Variants in RMDN2 observed in about 807,000 individuals in gnomAD.
The protein encoded by RMDN2 is regulator of microtubule dynamics protein 2.
RMDN2 carries 61 observed loss-of-function variants against 52.8 expected under a neutral mutation model. That is an observed-to-expected ratio of 1.16 (90% confidence interval 0.94 to 1.43). The LOEUF (loss-of-function observed/expected upper bound fraction) is 1.43, where lower values mean the gene tolerates loss of function less well. RMDN2 is among the 40% of genes most tolerant of loss of function. The probability of loss-of-function intolerance (pLI) is 0.00; values close to 1 mark genes in which losing one functional copy is unlikely to be tolerated. For missense variants in RMDN2, 592 were observed against 475.3 expected (o/e 1.25, Z -2.28); for synonymous variants, 180 against 153.1 (o/e 1.18, Z -1.30).
downstream of RMDN2, among the ~76,000 whole-genome samples, chr2:38,020,184 T>G (rs1679238447): frequency 6.6e-6 from 1 of 152,130 alleles, no homozygotes; most frequent in African/African-American, 2.4e-5. Context: ...TGCACTTTAT[T>G]TCTATTATTA....
chr2:38,027,114 C>G (rs144090285), intron 10 of RMDN2: 1 of 152,212 alleles, frequency 6.6e-6, no homozygotes, highest in Admixed American at 6.5e-5. Context: ...TTAAAGGTGA[C>G]TTACATCAAG....
At chr2:37,968,294 T>C (rs1478779766) in intron 2 of RMDN2, among the ~76,000 whole-genome samples, 1 of 150,232 alleles carries the variant, frequency 6.7e-6, no homozygotes, top group Non-Finnish European at 1.5e-5. Flanking sequence ...TACAACAAAA[T>C]TAGCTGGGCA....
chr2:37,983,374 A>G (rs1442042657), intron 5 of RMDN2, among the ~76,000 whole-genome samples: 1 of 152,198 alleles, frequency 6.6e-6, no homozygotes, highest in Non-Finnish European at 1.5e-5. Context: ...ATCTGGTTAC[A>G]TCTCCTTTGT....
chr2:38,053,304 C>T (rs1289733798), intron 10 of RMDN2, among the ~76,000 whole-genome samples: 4 of 152,066 alleles, frequency 2.6e-5, no homozygotes, highest in South Asian at 2.1e-4. Flanking sequence ...ATCATTATGA[C>T]GTTATCATTA....
intron 10 of RMDN2, among the ~76,000 whole-genome samples, chr2:38,037,364 C>A (rs1680653814): frequency 6.6e-6 from 1 of 152,212 alleles, no homozygotes; most frequent in South Asian, 2.1e-4. Flanking sequence ...ATACCCTGGC[C>A]ACACCACAAA....
downstream of RMDN2, chr2:38,017,782 A>G (rs534224896): frequency 6.1e-5 from 17 of 278,978 alleles, no homozygotes; most frequent in South Asian, 5.9e-4. Flanking sequence ...AGACCACCAA[A>G]CAGGCTTTGT....
rs1678935102 is a variant in RMDN2, at chr2:38,017,276, C to G, written c.*37C>G. On this transcript the variant is annotated 3_prime_UTR_variant, in exon 11 of 11. Transcript: ENST00000354545. ...TACTCTTCAACAAATCAGATGTGGT[C>G]TACCAAAATTTAAATGAATCAAAGT... 2.0e-6 allele frequency: 3 copies of G among 1,482,186 alleles called. No homozygotes were observed. In the African/African-American group the frequency reaches 4.3e-5, roughly 21 times the overall value. 91.8% of individuals were successfully genotyped at this position (1,482,186 alleles called of 1,614,324 possible).
intron 2 of RMDN2, among the ~76,000 whole-genome samples, chr2:37,936,582 A>G (rs1046758226): frequency 1.1e-4 from 17 of 152,208 alleles, no homozygotes; most frequent in African/African-American, 3.9e-4. Context: ...AATGATCACC[A>G]TTCTAACTTG....
chr2:37,963,730 C>A (rs1029637612), intron 2 of RMDN2, among the ~76,000 whole-genome samples: 5 of 152,230 alleles, frequency 3.3e-5, no homozygotes, highest in Non-Finnish European at 5.9e-5. Context: ...TACACAGACA[C>A]AGCAACAATC....
chr2:37,998,550 G>A (rs1227087293), intron 8 of RMDN2, among the ~76,000 whole-genome samples: 1 of 152,020 alleles, frequency 6.6e-6, no homozygotes, highest in Non-Finnish European at 1.5e-5. Flanking sequence ...TAAACGTCTT[G>A]TACATGCTAA....
At chr2:37,977,178 T>C (rs901082204) in intron 4 of RMDN2, among the ~76,000 whole-genome samples, 1 of 152,234 alleles carries the variant, frequency 6.6e-6, no homozygotes, top group African/African-American at 2.4e-5. Context: ...GGTTATAGAT[T>C]AACAGCATCC....
rs989450157 is a variant in RMDN2 at position 37,983,755 on chromosome 2, A to T, written c.791+2412A>T. On this transcript the variant is annotated intron_variant, in intron 5 of 10. Transcript: ENST00000354545. ...AATTATAATAAAATGTTCAAATCTT[A>T]TTCTGCTGGACTCTCTTTAATTATG... is the stretch of plus-strand genomic sequence containing the variant. Among the ~76,000 whole-genome samples the T allele has an allele frequency of 9.2e-5, 14 of 152,326 alleles. No homozygotes were observed. The South Asian group carries it at 1.0e-3, about 11-fold the overall frequency.
chr2:38,028,653 C>CT (rs1679955885), intron 10 of RMDN2, among the ~76,000 whole-genome samples: 2 of 152,156 alleles, frequency 1.3e-5, no homozygotes, highest in South Asian at 2.1e-4. Context: ...GCTGCAGCCT[C>CT]TGGTCCAGCT....
At chr2:38,007,807 A>G (rs553970823) in intron 10 of RMDN2, among the ~76,000 whole-genome samples, 4 of 151,832 alleles carry the variant, frequency 2.6e-5, no homozygotes, top group South Asian at 4.2e-4. Context: ...TAGGGTGTCA[A>G]TCTTAGATCT....
In RMDN2 at chr2:37,991,209, G is replaced by C; in HGVS notation, c.868-11G>C. ...CTTGGGAGATGATTTTCCTTTGGAT[G>C]CTTTTTTCAGGAACATCTAGATATA... On this transcript the variant is annotated splice_polypyrimidine_tract_variant and intron_variant, in intron 6 of 10. Transcript: ENST00000354545. 6.6e-7 allele frequency: 1 copy of C among 1,523,592 alleles called. No homozygotes were observed. Among genetic ancestry groups the C allele is most frequent in the South Asian group, 1.2e-5 (1 of 81,260 alleles). 94.4% of individuals were successfully genotyped at this position (1,523,592 alleles called of 1,614,324 possible).
At chr2:37,941,590 G>A (rs547748195) in intron 2 of RMDN2, among the ~76,000 whole-genome samples, 1 of 152,230 alleles carries the variant, frequency 6.6e-6, no homozygotes, top group Non-Finnish European at 1.5e-5. Flanking sequence ...GGGATGCCCT[G>A]CCCAGAGAGG....
intron 2 of RMDN2, among the ~76,000 whole-genome samples, chr2:37,971,085 T>C (rs1458680781): frequency 6.6e-6 from 1 of 152,104 alleles, no homozygotes; most frequent in Non-Finnish European, 1.5e-5. Context: ...TTTTTTTCTT[T>C]TGTCACTTGT....
chr2:38,008,857 C>T (rs1395630623), intron 10 of RMDN2, among the ~76,000 whole-genome samples: 1 of 152,118 alleles, frequency 6.6e-6, no homozygotes, highest in Non-Finnish European at 1.5e-5. Flanking sequence ...TGTTCCTTTC[C>T]ATGTTGAGTG....
chr2:38,063,760 C>T (rs1682151516), intron 10 of RMDN2, among the ~76,000 whole-genome samples: 1 of 152,220 alleles, frequency 6.6e-6, no homozygotes, highest in African/African-American at 2.4e-5. Flanking sequence ...ACAGACACTT[C>T]TCATACTGTA....
Sources: allele counts gnomAD v4.1 joint callset (sites outside exome capture counted in the v4.1 genomes callset), GRCh38; gene constraint gnomAD v4.1.1; transcripts MANE v1.5; gene names NCBI Gene and HGNC (gene_info 2026-07-23, HGNC 2026-07-21).